The following KARS1 variants were observed in gnomAD, a reference collection of about 807,000 sequenced individuals.
KARS1 encodes the protein lysine--tRNA ligase.
KARS1 carries 50 observed loss-of-function variants against 63.9 expected under a neutral mutation model. That is an observed-to-expected ratio of 0.78 (90% CI 0.62 to 0.99). The LOEUF is 0.99. Ranked by LOEUF, KARS1 falls within the 50% of genes least tolerant of loss-of-function variation. The pLI, the probability that KARS1 is intolerant of heterozygous loss-of-function variation, is 0.00. For synonymous variants in KARS1, 320 were observed against 264.6 expected (o/e 1.21, Z -2.03); for missense variants, 816 against 754.5 (o/e 1.08, Z -0.95).
chr16:75,636,461 T>C lies in KARS1; in HGVS notation c.475A>G (p.Asn159Asp). 1.2e-6 allele frequency: 2 copies of C among 1,606,408 alleles called. No individual in the cohort carries two copies. Among genetic ancestry groups the C allele is most frequent in the Non-Finnish European group, 1.7e-6 (2 of 1,172,920 alleles). The stretch of plus-strand genomic sequence containing the variant: ...CTGGGTATTTCGAGATACCTGGAAT[T>C]GGCCATGACTTGCAACTTCACCCCC... ...GEGVKLQVMANSRNYKSEEEF... is the reference protein window; with the variant it reads ...GEGVKLQVMADSRNYKSEEEF... Residue 159 changes from asparagine to aspartate, a missense_variant, in exon 4 of 14, where the codon AAT becomes GAT. By Grantham distance (23) the Asn-to-Asp change is conservative. Transcript: ENST00000302445.
At chr16:75,628,248 T>A (rs934354920) in intron 13 of KARS1, among the ~76,000 whole-genome samples, 3 of 152,240 alleles carry the variant, frequency 2.0e-5, no homozygotes, top group Non-Finnish European at 4.4e-5. Flanking sequence ...AAAATTTGAT[T>A]TCCTCATCTA....
chr16:75,644,836 G>C (rs1190647548), intron 1 of KARS1, among the ~76,000 whole-genome samples: 1 of 152,150 alleles, frequency 6.6e-6, no homozygotes, highest in South Asian at 2.1e-4. Context: ...GATGGCAATA[G>C]GAAGCATATA....
intron 3 of KARS1, among the ~76,000 whole-genome samples, chr16:75,638,477 C>G (rs1285714434): frequency 6.6e-6 from 1 of 151,624 alleles, no homozygotes; most frequent in African/African-American, 2.4e-5. Context: ...TGAGTGAGTA[C>G]GTGCCGTGAA....
rs545086994 is a variant in KARS1, at chr16:75,633,976, C to T, written c.915+197G>A. The T allele has an allele frequency of 2.8e-5, 18 of 648,488 alleles. No individual in the cohort carries two copies. In the East Asian group the frequency reaches 5.5e-4, roughly 20 times the overall value. The allele number at this position is 648,488 out of a possible 1,614,324, so 40.2% of individuals were successfully genotyped here. A position where few individuals can be genotyped will look rare whatever the true frequency, so the allele number is the denominator to read the frequency against. Reference sequence around the variant, plus strand: ...ACATGGGAAAGACAACCCCTTTGGTCTCTGCCCTACAATGCTCTATTAATC... The same window carrying T: ...ACATGGGAAAGACAACCCCTTTGGTTTCTGCCCTACAATGCTCTATTAATC... On this transcript the variant is annotated intron_variant, in intron 7 of 13. Coordinates refer to ENST00000302445, the MANE Select transcript of KARS1 (RefSeq NM_005548.3).
chr16:75,629,361 G>C (rs2082084796), intron 12 of KARS1, 54 bp downstream of exon 12: 1 of 1,609,382 alleles, frequency 6.2e-7, no homozygotes, highest in African/African-American at 1.3e-5. Context: ...CAGGGTTAAG[G>C]CTGGTATTTC....
intron 12 of KARS1, 41 bp downstream of exon 12, chr16:75,629,374 G>C: frequency 1.2e-6 from 2 of 1,612,536 alleles, no homozygotes; most frequent in Non-Finnish European, 1.7e-6. Flanking sequence ...GGTATTTCCT[G>C]GTGAGTTGGC....
chr16:75,629,861 A>G (rs1337917338), intron 11 of KARS1, among the ~76,000 whole-genome samples: 4 of 152,248 alleles, frequency 2.6e-5, no homozygotes, highest in South Asian at 2.1e-4. Context: ...AGTGGACTCA[A>G]AAGTGTTACT....
intron 1 of KARS1, among the ~76,000 whole-genome samples, chr16:75,646,133 C>T (rs2082280658): frequency 6.6e-6 from 1 of 152,144 alleles, no homozygotes; most frequent in Non-Finnish European, 1.5e-5. Flanking sequence ...GGAAGTCCAT[C>T]GGATTGCTCT....
At chr16:75,629,917 G>A (rs553059480) in intron 11 of KARS1, among the ~76,000 whole-genome samples, 1 of 152,302 alleles carries the variant, frequency 6.6e-6, no homozygotes, top group Admixed American at 6.5e-5. Flanking sequence ...CAAATCATTT[G>A]GTACAACGGT....
intron 11 of KARS1, among the ~76,000 whole-genome samples, chr16:75,629,794 C>T (rs530715390): frequency 1.3e-5 from 2 of 152,286 alleles, no homozygotes; most frequent in African/African-American, 2.4e-5. Context: ...GACAGGGTTT[C>T]GCCATATTGG....
At chr16:75,634,418 A>C in intron 6 of KARS1, 126 bp from the exon 7 acceptor site, 1 of 952,864 alleles carries the variant, frequency 1.0e-6, no homozygotes, top group Non-Finnish European at 1.6e-6. Flanking sequence ...GTTCAACAGT[A>C]ATGTGCAAGT....
intron 13 of KARS1, 50 bp downstream of exon 13, chr16:75,628,519 C>A: frequency 6.2e-7 from 1 of 1,608,170 alleles, no homozygotes; most frequent in Non-Finnish European, 8.5e-7. Flanking sequence ...CTGGCTCCAA[C>A]ACAATGCAGC....
chr16:75,638,495 A>G (rs2082188797), intron 3 of KARS1, among the ~76,000 whole-genome samples: 2 of 152,202 alleles, frequency 1.3e-5, no homozygotes, highest in Admixed American at 6.6e-5. Context: ...GAAAAGCAAA[A>G]AATTCTAACT....
chr16:75,628,827 C>G, intron 12 of KARS1, 115 bp from the exon 13 acceptor site: 1 of 1,077,572 alleles, frequency 9.3e-7, no homozygotes, highest in Non-Finnish European at 1.4e-6. Context: ...ATGCTCCTGA[C>G]ACTCAGGACT....
intron 6 of KARS1, among the ~76,000 whole-genome samples, chr16:75,634,817 T>G (rs553291571): frequency 6.6e-6 from 1 of 152,266 alleles, no homozygotes; most frequent in South Asian, 2.1e-4. Context: ...CCTTGTGATC[T>G]GCTCACCTCG....
intron 2 of KARS1, among the ~76,000 whole-genome samples, 189 bp from the exon 3 acceptor site, chr16:75,640,538 G>A (rs1309250000): frequency 1.3e-5 from 2 of 152,120 alleles, no homozygotes; most frequent in Non-Finnish European, 2.9e-5. Flanking sequence ...GGCGGCCAGA[G>A]GCCAGCATTT....
At chr16:75,638,865 A>G (rs1238766288) in intron 3 of KARS1, among the ~76,000 whole-genome samples, 1 of 152,220 alleles carries the variant, frequency 6.6e-6, no homozygotes, top group Non-Finnish European at 1.5e-5. Context: ...ATAAAAACAA[A>G]CAATTAAAAT....
rs768224388 is a variant in KARS1, at chr16:75,640,146, C to T, written c.388+38G>A. 10 of 1,589,454 alleles carry T rather than the reference C, an allele frequency of 6.3e-6. No homozygotes were observed. The Admixed American group carries it at 1.2e-4, about 19-fold the overall frequency. ...GCTACTGAAGCCGCAGGCCTACCTG[C>T]TGTGGGAGTTCAGTGATTTGCCAGG... On this transcript the variant is annotated intron_variant, in intron 3 of 13. Transcript: ENST00000302445.
At chr16:75,643,755 C>A (rs2082250561) in intron 1 of KARS1, among the ~76,000 whole-genome samples, 1 of 152,228 alleles carries the variant, frequency 6.6e-6, no homozygotes, top group African/African-American at 2.4e-5. Flanking sequence ...CATATAATGT[C>A]TTATAACATT....
Sources: allele counts gnomAD v4.1 joint callset (sites outside exome capture counted in the v4.1 genomes callset), GRCh38; gene constraint gnomAD v4.1.1; transcripts MANE v1.5; gene names NCBI Gene and HGNC (gene_info 2026-07-23, HGNC 2026-07-21).